Variants in ATG10 observed in about 807,000 individuals in gnomAD.
The protein encoded by ATG10 is ubiquitin-like-conjugating enzyme ATG10.
Under a neutral mutation model 32.1 loss-of-function variants are expected in ATG10, and 30 were observed. That is an observed-to-expected ratio of 0.94 (90% CI 0.70 to 1.27). The LOEUF (loss-of-function observed/expected upper bound fraction) is 1.27, where lower values mean the gene tolerates loss of function less well. Among genes scored for constraint, ATG10 ranks in the 50% most tolerant of loss-of-function variants. The probability of loss-of-function intolerance (pLI) is 0.00; values close to 1 mark genes in which losing one functional copy is unlikely to be tolerated. For synonymous variants in ATG10, 87 were observed against 91.5 expected, an observed-to-expected ratio of 0.95 and a Z score of 0.28; for missense variants, 233 against 262.3, an observed-to-expected ratio of 0.89 and a Z score of 0.77.
intron 3 of ATG10, among the ~76,000 whole-genome samples, chr5:82,100,899 C>G (rs1157804541): frequency 6.6e-6 from 1 of 151,354 alleles, no homozygotes; most frequent in Admixed American, 6.6e-5. Context: ...TAATAATTCC[C>G]CTGTTCTTTG....
intron 4 of ATG10, among the ~76,000 whole-genome samples, chr5:82,166,081 A>G (rs1031447710): frequency 1.3e-5 from 2 of 152,198 alleles, no homozygotes; most frequent in African/African-American, 2.4e-5. Context: ...ATGAGCTCAT[A>G]TGTGTGCTTT....
intron 4 of ATG10, among the ~76,000 whole-genome samples, chr5:82,170,739 A>G (rs930100512): frequency 2.0e-5 from 3 of 152,042 alleles, no homozygotes; most frequent in South Asian, 4.2e-4. Context: ...TGAGGTCAAG[A>G]GTTCGAGACC....
intron 1 of ATG10, among the ~76,000 whole-genome samples, chr5:81,978,244 A>G (rs138659894): frequency 0.074 from 11,312 of 152,018 alleles, 526 homozygotes; most frequent in Non-Finnish European, 0.11. Flanking sequence ...TAATTTTAGT[A>G]TTTTTAGTAG....
chr5:82,049,033 C>T (rs1763315005), intron 2 of ATG10, among the ~76,000 whole-genome samples: 1 of 150,760 alleles, frequency 6.6e-6, no homozygotes, highest in African/African-American at 2.4e-5. Context: ...TTTGACCCAG[C>T]CATCCCATTA....
intron 2 of ATG10, among the ~76,000 whole-genome samples, chr5:81,997,587 C>T (rs900678338): frequency 7.2e-5 from 11 of 152,150 alleles, no homozygotes; most frequent in Admixed American, 2.6e-4. Context: ...GAATGACGAT[C>T]ATTGAGATTC....
At chr5:82,101,387 A>G (rs531191600) in intron 3 of ATG10, among the ~76,000 whole-genome samples, 1 of 152,266 alleles carries the variant, frequency 6.6e-6, no homozygotes, top group African/African-American at 2.4e-5. Flanking sequence ...TTTTTAAAGA[A>G]GGCTTTCCAG....
At chr5:82,229,505 C>T (rs1746262561) in intron 5 of ATG10, among the ~76,000 whole-genome samples, 1 of 152,100 alleles carries the variant, frequency 6.6e-6, no homozygotes, top group Non-Finnish European at 1.5e-5. Flanking sequence ...GTCAGTGTAT[C>T]CACAATTGTA....
At chr5:81,981,230 G>A (rs1274787760) in intron 1 of ATG10, among the ~76,000 whole-genome samples, 2 of 152,164 alleles carry the variant, frequency 1.3e-5, no homozygotes, top group East Asian at 3.9e-4. Context: ...TTTGTCTAGG[G>A]ATCATGCTAA....
chr5:82,112,972 C>A (rs1765665050), intron 3 of ATG10, among the ~76,000 whole-genome samples: 1 of 151,832 alleles, frequency 6.6e-6, no homozygotes, highest in Admixed American at 6.6e-5. Flanking sequence ...TTCAAGTACA[C>A]ATTTTGAGTG....
rs113779296 is a variant in ATG10, at chr5:82,039,217, C to T, written c.109-19278C>T. On this transcript the variant is annotated intron_variant, in intron 2 of 7. Coordinates refer to ENST00000282185, the MANE Select transcript of ATG10 (RefSeq NM_031482.5). ...AGTTAGTCATACTCAGAAAAGGGGA[C>T]ATTTATTTCTTTGTATTTAGGGATA... is the stretch of plus-strand genomic sequence containing the variant. 2.3e-3 allele frequency among the ~76,000 whole-genome samples: 354 copies of T among 152,250 alleles called. 2 individuals are homozygous for T. Among genetic ancestry groups the T allele is most frequent in the African/African-American group, 7.8e-3 (323 of 41,546 alleles).
intron 2 of ATG10, among the ~76,000 whole-genome samples, chr5:82,029,023 CATT>C (rs1310737068): frequency 1.3e-5 from 2 of 152,100 alleles, no homozygotes; most frequent in Non-Finnish European, 2.9e-5. Context: ...GGAAGAGATA[CATT>C]ATTGGTTTGA....
rs1745186154 is a variant in ATG10 at position 82,203,974 on chromosome 5, GC to G, written c.453+25388del. Among the ~76,000 whole-genome samples, 3 of 152,204 alleles carry G rather than the reference GC, an allele frequency of 2.0e-5. No homozygotes were observed. The East Asian group carries it at 5.8e-4, about 29-fold the overall frequency. On this transcript the variant is annotated intron_variant, in intron 5 of 7. Coordinates refer to ENST00000282185, the MANE Select transcript of ATG10 (RefSeq NM_031482.5). ...AATAACAGAATAGGTAAAAATTGCT[GC>G]TTTTATGGAGCTTATATTCTAGTGG...
At chr5:81,988,037 A>G (rs1345271401) in intron 2 of ATG10, among the ~76,000 whole-genome samples, 1 of 152,242 alleles carries the variant, frequency 6.6e-6, no homozygotes, top group East Asian at 1.9e-4. Context: ...TCGTCTGGAG[A>G]GTAAAAAGAC....
chr5:81,973,374 T>G (rs1020650132), intron 1 of ATG10: 1 of 152,218 alleles, frequency 6.6e-6, no homozygotes, highest in Non-Finnish European at 1.5e-5. Context: ...GTGATCCGCC[T>G]GCCTCGGCCT....
chr5:82,133,189 T>A (rs992674949), intron 3 of ATG10, among the ~76,000 whole-genome samples: 1 of 152,184 alleles, frequency 6.6e-6, no homozygotes, highest in African/African-American at 2.4e-5. Flanking sequence ...TGTAGGTTGC[T>A]TGTTCATTCT....
In ATG10 at chr5:82,032,544, G is replaced by A. The variant is rs1028286741; in HGVS notation, c.109-25951G>A. On this transcript the variant is annotated intron_variant, in intron 2 of 7. Coordinates refer to ENST00000282185, the MANE Select transcript of ATG10 (RefSeq NM_031482.5). ...AAAATTTCATAAGGAAAGCACATAT[G>A]CTTTTACAAAAATTTGCATTCATAT... Among the ~76,000 whole-genome samples the A allele has an allele frequency of 3.9e-5, 6 of 152,034 alleles. No individual in the cohort carries two copies. In the East Asian group the frequency reaches 9.7e-4, roughly 24 times the overall value.
chr5:82,034,511 G>T (rs1015288727), intron 2 of ATG10, among the ~76,000 whole-genome samples: 3 of 152,134 alleles, frequency 2.0e-5, no homozygotes, highest in African/African-American at 7.2e-5. Context: ...CTTTTAAAAT[G>T]TGAGTTCAGT....
chr5:82,228,248 A>G (rs1581827400), intron 5 of ATG10, among the ~76,000 whole-genome samples: 1 of 152,078 alleles, frequency 6.6e-6, no homozygotes, highest in East Asian at 1.9e-4. Context: ...AAAAGTATGT[A>G]TCAATACTAT....
In ATG10 at chr5:82,254,216, A is replaced by G. The variant is rs2150034174; in HGVS notation, c.*153A>G. The G allele has an allele frequency of 6.6e-6, 1 of 152,318 alleles. No homozygotes were observed. The highest frequency in any genetic ancestry group is 6.5e-5 in the Admixed American group (1 of 15,288). 9.4% of individuals were successfully genotyped at this position (152,318 alleles called of 1,614,324 possible). A position where few individuals can be genotyped will look rare whatever the true frequency, so the allele number is the denominator to read the frequency against. On this transcript the variant is annotated 3_prime_UTR_variant, in exon 8 of 8. Coordinates refer to ENST00000282185, the MANE Select transcript of ATG10 (RefSeq NM_031482.5). ...TTTTCCCTTGGACACAAATGTCTACAGCAACTGGTGTTTGATAGGCTGAAT... is the reference window on the plus strand; with the variant it reads ...TTTTCCCTTGGACACAAATGTCTACGGCAACTGGTGTTTGATAGGCTGAAT...
Sources: allele counts gnomAD v4.1 joint callset (sites outside exome capture counted in the v4.1 genomes callset), GRCh38; gene constraint gnomAD v4.1.1; transcripts MANE v1.5; gene names NCBI Gene and HGNC (gene_info 2026-07-23, HGNC 2026-07-21).